DIAPH3: variants seen among roughly 807,000 people sequenced by gnomAD.
The protein encoded by DIAPH3 is protein diaphanous homolog 3.
A neutral mutation model predicts 144.3 loss-of-function variants in DIAPH3; 117 were observed. That is an observed-to-expected ratio of 0.81 (90% CI 0.70 to 0.95). The LOEUF (loss-of-function observed/expected upper bound fraction) is 0.95, where lower values mean the gene tolerates loss of function less well. DIAPH3 is among the 40% of genes least tolerant of loss of function. DIAPH3 has a pLI of 0.00. For synonymous variants in DIAPH3, 519 were observed against 488.9 expected (o/e 1.06, Z -0.81); for missense variants, 1,421 against 1,412.7 (o/e 1.01, Z -0.09).
chr13:59,979,803 C>T (rs938858995), intron 14 of DIAPH3, among the ~76,000 whole-genome samples: 1 of 151,590 alleles, frequency 6.6e-6, no homozygotes, highest in Non-Finnish European at 1.5e-5. Flanking sequence ...ATATTCACTT[C>T]GTAAATGTTT....
intron 9 of DIAPH3, among the ~76,000 whole-genome samples, chr13:59,994,755 A>C (rs917705937): frequency 3.9e-5 from 6 of 151,912 alleles, no homozygotes; most frequent in Non-Finnish European, 8.8e-5. Context: ...AAATTTTATG[A>C]GCGGTTTGTC....
chr13:59,877,528 C>T (rs1345362395), intron 21 of DIAPH3, among the ~76,000 whole-genome samples: 1 of 152,154 alleles, frequency 6.6e-6, no homozygotes, highest in Non-Finnish European at 1.5e-5. Context: ...GACTGAGGAA[C>T]TATGTTTTTA....
intron 22 of DIAPH3, among the ~76,000 whole-genome samples, chr13:59,848,222 T>C (rs564423418): frequency 1.3e-5 from 2 of 151,912 alleles, no homozygotes; most frequent in East Asian, 1.9e-4. Flanking sequence ...AAGCAATCCT[T>C]TGAAAATTTA....
At chr13:60,144,058 G>A (rs1211153198) in intron 1 of DIAPH3, among the ~76,000 whole-genome samples, 3 of 152,100 alleles carry the variant, frequency 2.0e-5, no homozygotes, top group Non-Finnish European at 4.4e-5. Context: ...CTTGCAGTTT[G>A]TGTTTATACC....
chr13:60,033,562 G>A (rs1398098598), intron 5 of DIAPH3, among the ~76,000 whole-genome samples: 2 of 152,118 alleles, frequency 1.3e-5, no homozygotes, highest in East Asian at 3.9e-4. Context: ...AAGAAAGAGA[G>A]TGTGGGCAGA....
chr13:59,859,694 C>A (rs944328347), intron 22 of DIAPH3, among the ~76,000 whole-genome samples: 1 of 151,952 alleles, frequency 6.6e-6, no homozygotes, highest in African/African-American at 2.4e-5. Context: ...CCCATTTGGT[C>A]AAAAAATCCA....
intron 4 of DIAPH3, among the ~76,000 whole-genome samples, chr13:60,071,476 G>A (rs1328854757): frequency 6.6e-6 from 1 of 152,156 alleles, no homozygotes; most frequent in Non-Finnish European, 1.5e-5. Flanking sequence ...AAGGTTTCCT[G>A]CACTAAACAG....
At position 60,073,657 on chromosome 13, in the gene DIAPH3, TA is replaced by T. The variant is rs1362019508; in HGVS notation, c.495+19970del. 2.3e-4 allele frequency among the ~76,000 whole-genome samples: 35 copies of T among 152,232 alleles called. 1 individual carries two copies. Among genetic ancestry groups the T allele is most frequent in the Non-Finnish European group, 1.5e-5 (1 of 68,036 alleles). ...TTATGGCATCCAGCATTGTAACACA[TA>T]GGTAAATGCTTAATAAACACTATTT... On this transcript the variant is annotated intron_variant, in intron 4 of 27. Transcript: ENST00000400324.
intron 27 of DIAPH3, among the ~76,000 whole-genome samples, chr13:59,753,513 T>C (rs1450837167): frequency 6.6e-6 from 1 of 152,194 alleles, no homozygotes; most frequent in African/African-American, 2.4e-5. Flanking sequence ...TTGAGATTTT[T>C]GAGATAGAAA....
chr13:59,744,383 C>T (rs761115044), intron 27 of DIAPH3, among the ~76,000 whole-genome samples: 67 of 152,132 alleles, frequency 4.4e-4, no homozygotes, highest in Non-Finnish European at 8.8e-4. Flanking sequence ...AGGGAATCAA[C>T]GATGAAGAAG....
At chr13:59,925,212 A>T (rs888759192) in intron 17 of DIAPH3, among the ~76,000 whole-genome samples, 1 of 152,178 alleles carries the variant, frequency 6.6e-6, no homozygotes, top group African/African-American at 2.4e-5. Flanking sequence ...ATAAAAATTA[A>T]AACACCTGCA....
At chr13:60,153,972 A>G (rs772233965) in intron 1 of DIAPH3, among the ~76,000 whole-genome samples, 6 of 152,114 alleles carry the variant, frequency 3.9e-5, no homozygotes, top group Non-Finnish European at 8.8e-5. Context: ...CCCCTAAGAA[A>G]GCTTCAGAAA....
intron 4 of DIAPH3, among the ~76,000 whole-genome samples, chr13:60,070,406 G>A (rs2057157467): frequency 6.7e-6 from 1 of 148,718 alleles, no homozygotes; most frequent in African/African-American, 2.5e-5. Context: ...TTTGTCTTTT[G>A]CCTGTGCTTA....
At chr13:59,994,328 G>C (rs1047956262) in intron 9 of DIAPH3, among the ~76,000 whole-genome samples, 1 of 151,820 alleles carries the variant, frequency 6.6e-6, no homozygotes, top group Non-Finnish European at 1.5e-5. Flanking sequence ...CTATAATCAA[G>C]GTAAAGACCA....
intron 21 of DIAPH3, among the ~76,000 whole-genome samples, chr13:59,873,663 T>A (rs937165742): frequency 1.3e-5 from 2 of 148,524 alleles, no homozygotes; most frequent in African/African-American, 2.5e-5. Flanking sequence ...TTGAAAATAT[T>A]TTCACCACTT....
intron 27 of DIAPH3, among the ~76,000 whole-genome samples, chr13:59,683,802 G>A (rs773722953): frequency 2.9e-4 from 44 of 152,284 alleles, no homozygotes; most frequent in Middle Eastern, 6.8e-3. Context: ...CTATACTAAA[G>A]AGGAAGAATA....
chr13:59,694,052 C>A (rs1441061836), intron 27 of DIAPH3, among the ~76,000 whole-genome samples: 3 of 152,086 alleles, frequency 2.0e-5, no homozygotes, highest in Non-Finnish European at 2.9e-5. Flanking sequence ...ACCAAATACT[C>A]CACTTTCAAT....
chr13:59,886,357 C>G (rs1436040924), intron 20 of DIAPH3, among the ~76,000 whole-genome samples: 1 of 152,036 alleles, frequency 6.6e-6, no homozygotes, highest in Non-Finnish European at 1.5e-5. Flanking sequence ...AGTTGTATAT[C>G]CTTAAGCCAA....
At chr13:59,868,243 G>A (rs897736439) in intron 21 of DIAPH3, among the ~76,000 whole-genome samples, 8 of 152,134 alleles carry the variant, frequency 5.3e-5, no homozygotes, top group South Asian at 2.1e-4. Context: ...TGCTATTTTA[G>A]AGCACGGATT....
Sources: gnomAD v4.1 joint callset for allele counts (sites outside exome capture counted in the v4.1 genomes callset) on GRCh38, gnomAD v4.1.1 for gene constraint, MANE v1.5 for transcripts, NCBI Gene and HGNC (gene_info 2026-07-23, HGNC 2026-07-21) for gene names.